RFTN1: variants seen among roughly 807,000 people sequenced by gnomAD.
The protein encoded by RFTN1 is raftlin.
RFTN1 carries 26 observed loss-of-function variants against 46.5 expected under a neutral mutation model. The ratio of observed to expected loss-of-function variants is 0.56; its 90% CI spans 0.41 to 0.78. The LOEUF (loss-of-function observed/expected upper bound fraction) is 0.78, where lower values mean the gene tolerates loss of function less well. Ranked by LOEUF, RFTN1 falls within the 30% of genes least tolerant of loss-of-function variation. The probability of loss-of-function intolerance (pLI) is 0.00; values close to 1 mark genes in which losing one functional copy is unlikely to be tolerated. For missense variants in RFTN1, 693 were observed against 718.7 expected (o/e 0.96, Z 0.41); for synonymous variants, 261 against 284.2 (o/e 0.92, Z 0.82).
Position 16,336,438 on chromosome 3 carries a change from T to C in RFTN1, c.1147-9562A>G, listed in dbSNP as rs1470624179. 6.6e-6 allele frequency among the ~76,000 whole-genome samples: 1 copy of C among 152,192 alleles called. No homozygotes were observed. Among genetic ancestry groups the C allele is most frequent in the Non-Finnish European group, 1.5e-5 (1 of 68,032 alleles). ...TCTGTGGAGAAACAGCAAAGCCCTC[T>C]GCAGCCAGCACAGCTGGCCTTCCTC... On this transcript the variant is annotated intron_variant, in intron 7 of 9. Coordinates refer to ENST00000334133, the MANE Select transcript of RFTN1 (RefSeq NM_015150.2). The surrounding 1 kb of genome is among the most constrained non-coding windows in gnomAD (Gnocchi z 6.0).
chr3:16,320,572 T>C lies in RFTN1; in HGVS notation c.1332+2804A>G, dbSNP rs899410120. The stretch of plus-strand genomic sequence containing the variant: ...GGATAAAATAATGATCACAAATAAC[T>C]AAAAGCCCAAAGGAGAGCTCTGAAG... On this transcript the variant is annotated intron_variant, in intron 9 of 9. Transcript: ENST00000334133. The surrounding 1 kb of genome is among the most constrained non-coding windows in gnomAD (Gnocchi z 4.5). 6.6e-6 allele frequency among the ~76,000 whole-genome samples: 1 copy of C among 152,182 alleles called. No individual in the cohort carries two copies. The highest frequency in any genetic ancestry group is 2.4e-5 in the African/African-American group (1 of 41,442).
intron 4 of RFTN1, among the ~76,000 whole-genome samples, chr3:16,398,717 T>A (rs1183275703): frequency 6.6e-6 from 1 of 152,106 alleles, no homozygotes; most frequent in Non-Finnish European, 1.5e-5. Flanking sequence ...CTTGATACCA[T>A]CAACCTCCTA....
At chr3:16,386,810 G>A (rs183490219) in intron 4 of RFTN1, among the ~76,000 whole-genome samples, 4 of 152,254 alleles carry the variant, frequency 2.6e-5, no homozygotes, top group Admixed American at 1.3e-4. Flanking sequence ...GCTGGGGCCC[G>A]GAAGTAACTG....
chr3:16,487,544 A>G (rs2076469289), intron 2 of RFTN1, among the ~76,000 whole-genome samples: 1 of 152,168 alleles, frequency 6.6e-6, no homozygotes, highest in African/African-American at 2.4e-5. Context: ...AGAATATTCT[A>G]TTTTACTTTG....
Position 16,425,702 on chromosome 3 carries a change from C to T in RFTN1, c.332+8149G>A, listed in dbSNP as rs761977619. Among the ~76,000 whole-genome samples the T allele has an allele frequency of 5.7e-4, 86 of 152,018 alleles. No homozygotes were observed. Among genetic ancestry groups the T allele is most frequent in the African/African-American group, 2.0e-3 (83 of 41,370 alleles). The stretch of plus-strand genomic sequence containing the variant: ...TTTCCCCCAAGAGAAGGTGGCTTTA[C>T]GCTGGCATATGAGATTGAAAAGTGC... On this transcript the variant is annotated intron_variant, in intron 3 of 9. Transcript: ENST00000334133. The surrounding 1 kb of genome is among the most constrained non-coding windows in gnomAD (Gnocchi z 4.3).
At chr3:16,485,345 T>C (rs2076431621) in intron 2 of RFTN1, among the ~76,000 whole-genome samples, 1 of 152,138 alleles carries the variant, frequency 6.6e-6, no homozygotes, top group Non-Finnish European at 1.5e-5. Context: ...ACAGACTCCA[T>C]GCATAAAACA....
intron 7 of RFTN1, among the ~76,000 whole-genome samples, chr3:16,330,125 G>A (rs78259924): frequency 0.024 from 3,715 of 152,298 alleles, 80 homozygotes; most frequent in Admixed American, 0.064. Flanking sequence ...AAAGCAAAAG[G>A]GAAAACACAA....
rs1559328866 is a variant in RFTN1 at position 16,404,306 on chromosome 3, A to ATATATAT, written c.441+5062_441+5068dup. ...TAATATATAATATATATAATATGTA[A>ATATATAT]TATATATTATATATAATATATAATA... is the stretch of plus-strand genomic sequence containing the variant. On this transcript the variant is annotated intron_variant, in intron 4 of 9. Transcript: ENST00000334133. Among the ~76,000 whole-genome samples, 56 of 33,270 alleles carry ATATATAT rather than the reference A, an allele frequency of 1.7e-3. 13 individuals carry two copies. Among genetic ancestry groups the ATATATAT allele is most frequent in the Non-Finnish European group, 2.3e-3 (49 of 21,622 alleles). 21.8% of individuals were successfully genotyped at this position (33,270 alleles called of 152,430 possible).
At position 16,352,060 on chromosome 3, in the gene RFTN1, A is replaced by G. The variant is rs995802398; in HGVS notation, c.1146+5872T>C. Among the ~76,000 whole-genome samples the G allele has an allele frequency of 6.6e-6, 1 of 152,264 alleles. No individual in the cohort carries two copies. Among genetic ancestry groups the G allele is most frequent in the Admixed American group, 6.5e-5 (1 of 15,282 alleles). On this transcript the variant is annotated intron_variant, in intron 7 of 9. Coordinates refer to ENST00000334133, the MANE Select transcript of RFTN1 (RefSeq NM_015150.2). The surrounding 1 kb of genome is among the most constrained non-coding windows in gnomAD (Gnocchi z 4.6). ...GACTGGCAAATGGACATGTATTTAC[A>G]TACTTTACATTCAAATAAAATGTGT...
rs2076408167 is a variant in RFTN1, at chr3:16,483,989, T to A, written c.145+9736A>T. Among the ~76,000 whole-genome samples, 1 of 152,178 alleles carries A rather than the reference T, an allele frequency of 6.6e-6. No homozygotes were observed. The highest frequency in any genetic ancestry group is 2.4e-5 in the African/African-American group (1 of 41,446). ...AAGGTTGGGAACCACTCCTTTAAGC[T>A]AATGATTAGTTTTAAAGGCTTTTCT... is the stretch of plus-strand genomic sequence containing the variant. On this transcript the variant is annotated intron_variant, in intron 2 of 9. Coordinates refer to ENST00000334133, the MANE Select transcript of RFTN1 (RefSeq NM_015150.2). This position sits in a 1 kb window ranked among gnomAD's most constrained non-coding sequence, Gnocchi z 4.8.
At chr3:16,417,548 A>G (rs1379844391) in intron 3 of RFTN1, among the ~76,000 whole-genome samples, 1 of 152,164 alleles carries the variant, frequency 6.6e-6, no homozygotes. Flanking sequence ...GGTTGACCTC[A>G]TTACTCATAC....
In RFTN1 at chr3:16,465,053, G is replaced by A. The variant is rs114948939; in HGVS notation, c.145+28672C>T. Among the ~76,000 whole-genome samples the A allele has an allele frequency of 7.1e-3, 1,074 of 152,196 alleles. 15 individuals carry two copies. The highest frequency in any genetic ancestry group is 0.025 in the African/African-American group (1,022 of 41,522). ...AACACAACAAGGAGAGAGACAGAGG[G>A]GAATGAGTCTGAAGCAGACAGTCCC... On this transcript the variant is annotated intron_variant, in intron 2 of 9. Transcript: ENST00000334133. This position sits in a 1 kb window ranked among gnomAD's most constrained non-coding sequence, Gnocchi z 5.1.
chr3:16,478,882 A>G (rs1321513054), intron 2 of RFTN1, among the ~76,000 whole-genome samples: 6 of 152,224 alleles, frequency 3.9e-5, no homozygotes, highest in African/African-American at 1.4e-4. Context: ...TCAGGGGAGT[A>G]ATCAAGAGAG....
chr3:16,380,012 ACT>A lies in RFTN1; in HGVS notation c.442-1912_442-1911del, dbSNP rs2073931371. 6.6e-6 allele frequency among the ~76,000 whole-genome samples: 1 copy of A among 152,152 alleles called. No homozygotes were observed. The highest frequency in any genetic ancestry group is 1.5e-5 in the Non-Finnish European group (1 of 68,030). On this transcript the variant is annotated intron_variant, in intron 4 of 9. Coordinates refer to ENST00000334133, the MANE Select transcript of RFTN1 (RefSeq NM_015150.2). The surrounding 1 kb of genome is among the most constrained non-coding windows in gnomAD (Gnocchi z 4.8). Reference sequence around the variant, plus strand: ...GACACCTGCACTAGCTTCTGCTATTACTCTCTTACTGCAGAGGAAACAGCTAT... The same window carrying A: ...GACACCTGCACTAGCTTCTGCTATTACTCTTACTGCAGAGGAAACAGCTAT...
intron 4 of RFTN1, among the ~76,000 whole-genome samples, chr3:16,394,468 A>G (rs1215361263): frequency 2.0e-5 from 3 of 151,928 alleles, no homozygotes; most frequent in African/African-American, 7.2e-5. Context: ...AATCTCACAG[A>G]CACAGTGCTG....
chr3:16,436,029 GTGATGT>G (rs748295849), intron 2 of RFTN1, among the ~76,000 whole-genome samples: 30 of 150,796 alleles, frequency 2.0e-4, no homozygotes, highest in Non-Finnish European at 3.4e-4. Flanking sequence ...TCTGCCATCA[GTGATGT>G]ATAAAGTTAT....
rs1222364882 is a variant in RFTN1, at chr3:16,475,865, T to G, written c.145+17860A>C. 6.6e-6 allele frequency among the ~76,000 whole-genome samples: 1 copy of G among 152,192 alleles called. No individual in the cohort carries two copies. The highest frequency in any genetic ancestry group is 1.5e-5 in the Non-Finnish European group (1 of 68,042). Reference sequence around the variant, plus strand: ...ACCAATCCCAGATAAATATTCTATATCCTACAGACTGAACCAGGAAAATAA... The same window carrying G: ...ACCAATCCCAGATAAATATTCTATAGCCTACAGACTGAACCAGGAAAATAA... On this transcript the variant is annotated intron_variant, in intron 2 of 9. Transcript: ENST00000334133. This position sits in a 1 kb window ranked among gnomAD's most constrained non-coding sequence, Gnocchi z 4.2.
chr3:16,477,642 C>T (rs554315757), intron 2 of RFTN1, among the ~76,000 whole-genome samples: 13 of 152,346 alleles, frequency 8.5e-5, no homozygotes, highest in African/African-American at 2.9e-4. Flanking sequence ...CAGATGCTGG[C>T]ACCCAGGAAA....
chr3:16,377,926 C>T lies in RFTN1; in HGVS notation c.618G>A (p.Gly206=). The T allele has an allele frequency of 6.2e-7, 1 of 1,614,248 alleles. No individual in the cohort carries two copies. Among genetic ancestry groups the T allele is most frequent in the South Asian group, 1.1e-5 (1 of 91,088 alleles). ...CCGGAGCACTGCACACATCCCCAGT[C>T]CCCGGTTTCTCATTCTCCAGTGACG... ...DHASLENEKP[G]TGDVCSAPAG... Residue 206 remains glycine (G), a synonymous_variant, in exon 5 of 10, where the codon GGG becomes GGA. Coordinates refer to ENST00000334133, the MANE Select transcript of RFTN1 (RefSeq NM_015150.2).
Sources: gnomAD v4.1 joint callset for allele counts (sites outside exome capture counted in the v4.1 genomes callset) on GRCh38, gnomAD v4.1.1 for gene constraint, Gnocchi (gnomAD v3.1) non-coding constraint, MANE v1.5 for transcripts, NCBI Gene and HGNC (gene_info 2026-07-23, HGNC 2026-07-21) for gene names.